AGBL1: variants seen among roughly 807,000 people sequenced by gnomAD.
AGBL1 encodes cytosolic carboxypeptidase 4.
Under a neutral mutation model 118.9 loss-of-function variants are expected in AGBL1, and 130 were observed. The observed-to-expected ratio is 1.09, with a 90% CI of 0.95 to 1.26. AGBL1 has a LOEUF of 1.26. Among genes scored for constraint, AGBL1 ranks in the 50% most tolerant of loss-of-function variants. The pLI, the probability that AGBL1 is intolerant of heterozygous loss-of-function variation, is 0.00. For synonymous variants in AGBL1, 555 were observed against 478.9 expected, an observed-to-expected ratio of 1.16 and a Z score of -2.08; for missense variants, 1,584 against 1,298.1, an observed-to-expected ratio of 1.22 and a Z score of -3.38.
At chr15:86,382,917 T>C (rs1455001968) in intron 17 of AGBL1, among the ~76,000 whole-genome samples, 1 of 152,134 alleles carries the variant, frequency 6.6e-6, no homozygotes, top group East Asian at 1.9e-4. Flanking sequence ...ACCTGAACTA[T>C]GCTAAGCTTC....
chr15:86,269,567 A>G (rs1486126600), intron 13 of AGBL1, among the ~76,000 whole-genome samples: 1 of 152,250 alleles, frequency 6.6e-6, no homozygotes, highest in Admixed American at 6.5e-5. Context: ...GGTGATAGAC[A>G]TTTCAATTAC....
chr15:86,329,183 GT>G (rs893410157), intron 17 of AGBL1, among the ~76,000 whole-genome samples: 14 of 152,144 alleles, frequency 9.2e-5, no homozygotes, highest in African/African-American at 3.1e-4. Context: ...ACCCCAGCCT[GT>G]TCCCCTGAGT....
intron 22 of AGBL1, among the ~76,000 whole-genome samples, chr15:86,752,980 C>T (rs972462200): frequency 3.9e-5 from 6 of 152,116 alleles, no homozygotes; most frequent in East Asian, 1.9e-4. Context: ...TCCTTGCTCC[C>T]GCCCTTTCTT....
At chr15:86,628,434 T>C (rs140739666) in intron 21 of AGBL1, among the ~76,000 whole-genome samples, 1 of 152,352 alleles carries the variant, frequency 6.6e-6, no homozygotes, top group Non-Finnish European at 1.5e-5. Flanking sequence ...AACATAGCAC[T>C]GATAGGCGCG....
chr15:86,987,194 A>C (rs531496322), intron 23 of AGBL1, among the ~76,000 whole-genome samples: 10 of 152,322 alleles, frequency 6.6e-5, no homozygotes, highest in African/African-American at 2.2e-4. Context: ...ACTTCAGGCC[A>C]TCTGGATGTA....
chr15:86,150,129 T>C (rs1056624691), intron 3 of AGBL1, among the ~76,000 whole-genome samples: 4 of 152,162 alleles, frequency 2.6e-5, no homozygotes, highest in Non-Finnish European at 5.9e-5. Flanking sequence ...TTTAAAGCAG[T>C]CTGTAGAGGG....
At position 86,735,797 on chromosome 15, in the gene AGBL1, C is replaced by A. The variant is rs191781545; in HGVS notation, c.3158+61361C>A. On this transcript the variant is annotated intron_variant, in intron 22 of 22. Transcript: ENST00000614907. ...TGCTATATTTTAAAATGTACATAGG[C>A]GTGACTCATGGCCTGGCATGTAGCA... 1.6e-3 allele frequency among the ~76,000 whole-genome samples: 250 copies of A among 152,150 alleles called. 1 individual carries two copies. Among genetic ancestry groups the A allele is most frequent in the Admixed American group, 3.5e-3 (53 of 15,278 alleles).
At chr15:87,009,305 G>A (rs1436816289) in intron 24 of AGBL1, among the ~76,000 whole-genome samples, 2 of 152,052 alleles carry the variant, frequency 1.3e-5, no homozygotes, top group Non-Finnish European at 2.9e-5. Flanking sequence ...TTTCTTCAGA[G>A]GGTGAAAGCC....
chr15:86,308,679 G>A (rs1845124900), intron 17 of AGBL1, among the ~76,000 whole-genome samples: 1 of 152,196 alleles, frequency 6.6e-6, no homozygotes, highest in Admixed American at 6.5e-5. Flanking sequence ...ATAAGAGACT[G>A]TCCTTTCCCC....
At chr15:86,217,096 T>C (rs534360182) in intron 5 of AGBL1, among the ~76,000 whole-genome samples, 1 of 152,330 alleles carries the variant, frequency 6.6e-6, no homozygotes, top group East Asian at 1.9e-4. Context: ...CTCTTTACCT[T>C]GTTGTTGTTT....
chr15:86,650,223 G>A (rs531126460), intron 21 of AGBL1, among the ~76,000 whole-genome samples: 8 of 152,124 alleles, frequency 5.3e-5, no homozygotes, highest in South Asian at 2.1e-4. Context: ...CTTGGTACAC[G>A]GCCACCTGAA....
At chr15:86,513,633 T>C (rs370118759) in intron 18 of AGBL1, among the ~76,000 whole-genome samples, 3 of 152,088 alleles carry the variant, frequency 2.0e-5, no homozygotes, top group Non-Finnish European at 4.4e-5. Context: ...TATCGATTAT[T>C]ACTGTGATGT....
chr15:86,493,601 T>C (rs2082810696), intron 18 of AGBL1, among the ~76,000 whole-genome samples: 1 of 151,942 alleles, frequency 6.6e-6, no homozygotes, highest in Non-Finnish European at 1.5e-5. Context: ...GAGGTCTGAG[T>C]CTTCCCCAAC....
chr15:86,111,851 T>C (rs1403178174), intron 1 of AGBL1, among the ~76,000 whole-genome samples: 1 of 152,194 alleles, frequency 6.6e-6, no homozygotes, highest in Non-Finnish European at 1.5e-5. Context: ...GCTTCATCTG[T>C]ATTTACAACC....
chr15:86,187,070 T>G (rs1305195072), intron 5 of AGBL1, among the ~76,000 whole-genome samples: 1 of 152,226 alleles, frequency 6.6e-6, no homozygotes, highest in African/African-American at 2.4e-5. Context: ...GCTTCTTCGT[T>G]TTTGTGTTTA....
rs934235603 is a variant in AGBL1, at chr15:86,524,314, C to G, written c.2685+1375C>G. On this transcript the variant is annotated intron_variant, in intron 19 of 22. Coordinates refer to ENST00000614907, the MANE Select transcript of AGBL1 (RefSeq NM_001386094.1). ...CTCAGTGATTCCTTAGAAGGACTCACAGGACTCAGAATAGCAGTTATATTC... is the reference window on the plus strand; with the variant it reads ...CTCAGTGATTCCTTAGAAGGACTCAGAGGACTCAGAATAGCAGTTATATTC... 5.3e-5 allele frequency among the ~76,000 whole-genome samples: 8 copies of G among 152,142 alleles called. No individual in the cohort carries two copies. In the East Asian group the frequency reaches 1.5e-3, roughly 29 times the overall value.
At chr15:86,550,622 G>T (rs1019699803) in intron 20 of AGBL1, among the ~76,000 whole-genome samples, 1 of 151,980 alleles carries the variant, frequency 6.6e-6, no homozygotes, top group Non-Finnish European at 1.5e-5. Context: ...CATACAAGAA[G>T]AAAAAGTTGA....
intron 17 of AGBL1, among the ~76,000 whole-genome samples, chr15:86,369,566 G>A (rs894706314): frequency 3.3e-5 from 5 of 152,124 alleles, no homozygotes; most frequent in African/African-American, 1.2e-4. Flanking sequence ...GTGTGTGTAT[G>A]TAACCAGTAA....
chr15:86,967,660 G>A (rs997458766), intron 23 of AGBL1, among the ~76,000 whole-genome samples: 18 of 152,012 alleles, frequency 1.2e-4, no homozygotes, highest in Middle Eastern at 3.4e-3. Context: ...ATTTCTGAGG[G>A]TTCTATTCTG....
Sources: gnomAD v4.1 joint callset for allele counts (sites outside exome capture counted in the v4.1 genomes callset) on GRCh38, gnomAD v4.1.1 for gene constraint, MANE v1.5 for transcripts, NCBI Gene and HGNC (gene_info 2026-07-23, HGNC 2026-07-21) for gene names.